TRDN: variants seen among roughly 807,000 people sequenced by gnomAD.
TRDN encodes the protein triadin in skeletal muscle.
In TRDN, 161 loss-of-function variants were observed where a neutral mutation model predicts 149.7. That is an observed-to-expected ratio of 1.08 (90% CI 0.95 to 1.23). TRDN has a LOEUF of 1.23. Among genes scored for constraint, TRDN ranks in the 50% most tolerant of loss-of-function variants. The probability of loss-of-function intolerance (pLI) is 0.00; values close to 1 mark genes in which losing one functional copy is unlikely to be tolerated. For missense variants in TRDN, 896 were observed against 823.5 expected (o/e 1.09, Z -1.08); for synonymous variants, 294 against 250.5 (o/e 1.17, Z -1.64).
intron 24 of TRDN, among the ~76,000 whole-genome samples, chr6:123,295,589 G>A (rs1034511360): frequency 1.3e-5 from 2 of 152,056 alleles, no homozygotes; most frequent in Admixed American, 6.6e-5. Flanking sequence ...GAGGTGATAG[G>A]TATCTTAATT....
chr6:123,244,825 A>G (rs1319384793), intron 38 of TRDN, among the ~76,000 whole-genome samples: 1 of 152,190 alleles, frequency 6.6e-6, no homozygotes, highest in East Asian at 1.9e-4. Flanking sequence ...GAAAGAAAAA[A>G]TGTTAAGGGC....
At chr6:123,468,066 C>A (rs1044700191) in intron 9 of TRDN, among the ~76,000 whole-genome samples, 5 of 152,126 alleles carry the variant, frequency 3.3e-5, no homozygotes, top group African/African-American at 1.2e-4. Flanking sequence ...AATATTAATT[C>A]TTTTCCCGAT....
At chr6:123,372,440 G>A (rs920848117) in intron 19 of TRDN, among the ~76,000 whole-genome samples, 1 of 152,072 alleles carries the variant, frequency 6.6e-6, no homozygotes, top group Non-Finnish European at 1.5e-5. Context: ...GGTGAAAAAT[G>A]CCTGATTATT....
At chr6:123,526,386 T>A (rs41324447) in intron 5 of TRDN, among the ~76,000 whole-genome samples, 18,821 of 151,778 alleles carry the variant, frequency 0.12, 1,374 homozygotes, top group Non-Finnish European at 0.17. Flanking sequence ...AAATTCTAGA[T>A]CCTATGGCTA....
At chr6:123,432,562 G>C (rs528677925) in intron 12 of TRDN, among the ~76,000 whole-genome samples, 1 of 151,676 alleles carries the variant, frequency 6.6e-6, no homozygotes, top group Non-Finnish European at 1.5e-5. Flanking sequence ...ATGTACATCG[G>C]GCACTAGATT....
intron 2 of TRDN, among the ~76,000 whole-genome samples, chr6:123,553,192 G>A (rs922328686): frequency 1.3e-5 from 2 of 152,106 alleles, no homozygotes; most frequent in Non-Finnish European, 2.9e-5. Flanking sequence ...CCCTCAACAG[G>A]AGGCCTGTGT....
intron 5 of TRDN, among the ~76,000 whole-genome samples, chr6:123,526,689 A>G (rs953779968): frequency 2.0e-5 from 3 of 152,186 alleles, no homozygotes; most frequent in African/African-American, 7.2e-5. Context: ...ATAAACACTC[A>G]TACAATATTA....
chr6:123,230,157 C>T (rs992032664), intron 38 of TRDN, among the ~76,000 whole-genome samples: 2 of 151,846 alleles, frequency 1.3e-5, no homozygotes, highest in African/African-American at 4.8e-5. Context: ...CAGTGATAGA[C>T]TGGAATAAGA....
At chr6:123,239,720 A>G (rs1452812942) in intron 38 of TRDN, among the ~76,000 whole-genome samples, 2 of 152,090 alleles carry the variant, frequency 1.3e-5, no homozygotes, top group East Asian at 1.9e-4. Flanking sequence ...AATACTACAT[A>G]TAAAAGTTTG....
intron 25 of TRDN, among the ~76,000 whole-genome samples, chr6:123,278,819 T>A (rs528078734): frequency 2.2e-4 from 33 of 152,298 alleles, no homozygotes; most frequent in Non-Finnish European, 4.4e-4. Flanking sequence ...AGATTTTTAA[T>A]GACAAGGTAA....
Position 123,218,641 on chromosome 6 carries a change from C to G in TRDN, c.2150G>C (p.Gly717Ala). 6.2e-7 allele frequency: 1 copy of G among 1,611,526 alleles called. No homozygotes were observed. Among genetic ancestry groups the G allele is most frequent in the Non-Finnish European group, 8.5e-7 (1 of 1,178,544 alleles). Residue 717 changes from glycine to alanine, a missense_variant, in exon 41 of 41, where the codon GGT becomes GCT. Coordinates refer to ENST00000334268, the MANE Select transcript of TRDN (RefSeq NM_006073.4). Reference protein sequence around the residue: ...TPADRPGESSGQANSPGQKQQ... With the variant: ...TPADRPGESSAQANSPGQKQQ... Reference sequence around the variant, plus strand: ...CTTCTGTCCTGGAGAATTTGCTTGACCAGAGCTCTCTCCAGGGCGGTCTGC... The same window carrying G: ...CTTCTGTCCTGGAGAATTTGCTTGAGCAGAGCTCTCTCCAGGGCGGTCTGC...
chr6:123,566,042 T>C (rs1782278514), intron 2 of TRDN, among the ~76,000 whole-genome samples: 1 of 152,222 alleles, frequency 6.6e-6, no homozygotes, highest in African/African-American at 2.4e-5. Context: ...ATAAACGATA[T>C]AATAAACCCT....
intron 19 of TRDN, among the ~76,000 whole-genome samples, chr6:123,371,880 C>A (rs1781340413): frequency 6.6e-6 from 1 of 152,068 alleles, no homozygotes; most frequent in South Asian, 2.1e-4. Flanking sequence ...TGTATGAGTG[C>A]TGTTTTGAAT....
intron 8 of TRDN, chr6:123,501,823 A>G (rs1485940611): frequency 1.5e-5 from 13 of 878,482 alleles, no homozygotes; most frequent in Non-Finnish European, 1.8e-5. Flanking sequence ...TAGACTGAAA[A>G]GGGATATGGT....
intron 32 of TRDN, among the ~76,000 whole-genome samples, chr6:123,265,920 G>A (rs1427848173): frequency 3.4e-5 from 5 of 146,156 alleles, no homozygotes; most frequent in Admixed American, 7.0e-5. Flanking sequence ...AACTAAAAAC[G>A]TTAACTGTGT....
At chr6:123,293,869 C>G (rs950597665) in intron 24 of TRDN, among the ~76,000 whole-genome samples, 1 of 152,060 alleles carries the variant, frequency 6.6e-6, no homozygotes, top group African/African-American at 2.4e-5. Context: ...GGTCACTGTC[C>G]ATTATTTCAT....
chr6:123,376,213 T>C (rs1003698110), intron 18 of TRDN, among the ~76,000 whole-genome samples: 14 of 152,180 alleles, frequency 9.2e-5, no homozygotes, highest in Non-Finnish European at 1.9e-4. Flanking sequence ...TGTCTTTCTA[T>C]AATGCACACA....
intron 13 of TRDN, among the ~76,000 whole-genome samples, chr6:123,393,145 G>T (rs971677880): frequency 2.0e-5 from 3 of 151,886 alleles, no homozygotes; most frequent in Non-Finnish European, 4.4e-5. Flanking sequence ...TTCTTAGATG[G>T]CTCATAAAAA....
At chr6:123,413,062 A>G (rs1211431095) in intron 12 of TRDN, among the ~76,000 whole-genome samples, 1 of 152,160 alleles carries the variant, frequency 6.6e-6, no homozygotes, top group Non-Finnish European at 1.5e-5. Flanking sequence ...TAGCATGGAG[A>G]AAACGAGGGA....
Sources: gnomAD v4.1 joint callset for allele counts (sites outside exome capture counted in the v4.1 genomes callset) on GRCh38, gnomAD v4.1.1 for gene constraint, MANE v1.5 for transcripts, NCBI Gene and HGNC (gene_info 2026-07-23, HGNC 2026-07-21) for gene names.